KCNJ6: variants seen among roughly 807,000 people sequenced by gnomAD.
KCNJ6 encodes G protein-activated inward rectifier potassium channel 2.
In KCNJ6, 9 loss-of-function variants were observed where a neutral mutation model predicts 34.2. The observed-to-expected ratio is 0.26, with a 90% CI of 0.16 to 0.46. The LOEUF is 0.46. KCNJ6 is among the 20% of genes least tolerant of loss of function. The pLI, the probability that KCNJ6 is intolerant of heterozygous loss-of-function variation, is 1.00. For synonymous variants in KCNJ6, 196 were observed against 207.1 expected, an observed-to-expected ratio of 0.95 and a Z score of 0.46; for missense variants, 236 against 531.3, an observed-to-expected ratio of 0.44 and a Z score of 5.46.
intron 3 of KCNJ6, among the ~76,000 whole-genome samples, chr21:37,663,358 G>A (rs1009384548): frequency 6.6e-6 from 1 of 152,028 alleles, no homozygotes; most frequent in Non-Finnish European, 1.5e-5. Flanking sequence ...AGGCCTAATA[G>A]TTTTCCCAAA....
chr21:37,607,482 A>ATATATATATATATTTTTTTTT lies in KCNJ6; in HGVS notation c.*17676_*17677insAAAAAAAAATATATATATATA. ...CTTAAAGATATATATATATATATAT[A>ATATATATATATATTTTTTTTT]TTTTTTTTTTATTTTAAAAAAATTT... On this transcript the variant is annotated 3_prime_UTR_variant, in exon 4 of 4. Coordinates refer to ENST00000609713, the MANE Select transcript of KCNJ6 (RefSeq NM_002240.5). 1 of 136,758 alleles carries ATATATATATATATTTTTTTTT rather than the reference A, an allele frequency of 7.3e-6. No homozygotes were observed. The highest frequency in any genetic ancestry group is 2.4e-4 in the South Asian group (1 of 4,178). The allele number at this position is 136,758 out of a possible 1,614,324, so 8.5% of individuals were successfully genotyped here.
intron 1 of KCNJ6, 123 bp from the exon 2 acceptor site, chr21:37,840,832 A>C (rs1437827789): frequency 3.4e-6 from 2 of 585,928 alleles, no homozygotes; most frequent in African/African-American, 3.8e-5. Context: ...GGTTTCCAAT[A>C]ATTAAATGAA....
At chr21:37,652,901 G>GT (rs1242910584) in intron 3 of KCNJ6, among the ~76,000 whole-genome samples, 1 of 152,172 alleles carries the variant, frequency 6.6e-6, no homozygotes, top group Non-Finnish European at 1.5e-5. Flanking sequence ...AATTTCCTGA[G>GT]TAAGTCCATT....
intron 2 of KCNJ6, among the ~76,000 whole-genome samples, chr21:37,783,185 C>T (rs1229111544): frequency 3.9e-5 from 6 of 152,228 alleles, no homozygotes; most frequent in Non-Finnish European, 8.8e-5. Context: ...ACAAGACTCA[C>T]ATCCTTGATG....
intron 1 of KCNJ6, among the ~76,000 whole-genome samples, chr21:37,877,822 C>T (rs1029548627): frequency 2.0e-5 from 3 of 152,194 alleles, no homozygotes; most frequent in Admixed American, 2.0e-4. Context: ...AATAGAATAC[C>T]AGGTTTCAGA....
chr21:37,770,595 C>T (rs1362181889), intron 2 of KCNJ6, among the ~76,000 whole-genome samples: 1 of 152,210 alleles, frequency 6.6e-6, no homozygotes, highest in Non-Finnish European at 1.5e-5. Context: ...AATTATAAAG[C>T]TGTCCTCTGC....
intron 1 of KCNJ6, among the ~76,000 whole-genome samples, chr21:37,915,118 A>G (rs938234578): frequency 6.6e-6 from 1 of 152,164 alleles, no homozygotes; most frequent in African/African-American, 2.4e-5. Flanking sequence ...TTTTGGGAAT[A>G]CTGATGTTAT....
In KCNJ6 at chr21:37,612,746, A is replaced by C. The variant is rs1175922807; in HGVS notation, c.*12413T>G. The C allele has an allele frequency of 7.4e-6, 1 of 135,858 alleles. No individual in the cohort carries two copies. Among genetic ancestry groups the C allele is most frequent in the African/African-American group, 2.9e-5 (1 of 34,978 alleles). 8.4% of individuals were successfully genotyped at this position (135,858 alleles called of 1,614,324 possible). A position where few individuals can be genotyped will look rare whatever the true frequency, so the allele number is the denominator to read the frequency against. ...AGGCAAAAAAAAAAAAAAAAAAAAG[A>C]GTCTAAATACAGACCTAACAAACAC... On this transcript the variant is annotated 3_prime_UTR_variant, in exon 4 of 4. Coordinates refer to ENST00000609713, the MANE Select transcript of KCNJ6 (RefSeq NM_002240.5).
intron 2 of KCNJ6, among the ~76,000 whole-genome samples, chr21:37,725,901 T>G (rs1284492331): frequency 6.6e-6 from 1 of 152,202 alleles, no homozygotes; most frequent in Non-Finnish European, 1.5e-5. Flanking sequence ...CTTGCATTTA[T>G]TTATTTGTTT....
At chr21:37,782,381 G>A (rs1256403777) in intron 2 of KCNJ6, among the ~76,000 whole-genome samples, 1 of 152,152 alleles carries the variant, frequency 6.6e-6, no homozygotes, top group Non-Finnish European at 1.5e-5. Flanking sequence ...GGAAACTAAT[G>A]TACACACATA....
At chr21:37,856,011 G>A (rs763283379) in intron 1 of KCNJ6, among the ~76,000 whole-genome samples, 7 of 152,158 alleles carry the variant, frequency 4.6e-5, no homozygotes, top group Non-Finnish European at 5.9e-5. Context: ...GATTCAGGGC[G>A]CTCAAGGCAA....
rs1283554652 is a variant in KCNJ6, at chr21:37,621,436, A to G, written c.*3723T>C. Reference sequence around the variant, plus strand: ...CAAAGACACTGGCTTAAATCTAAATAAAAAAGCAAAGGGGAAAAAAGTAAG... The same window carrying G: ...CAAAGACACTGGCTTAAATCTAAATGAAAAAGCAAAGGGGAAAAAAGTAAG... On this transcript the variant is annotated 3_prime_UTR_variant, in exon 4 of 4. Coordinates refer to ENST00000609713, the MANE Select transcript of KCNJ6 (RefSeq NM_002240.5). 6.6e-6 allele frequency: 1 copy of G among 152,218 alleles called. No homozygotes were observed. Among genetic ancestry groups the G allele is most frequent in the East Asian group, 1.9e-4 (1 of 5,202 alleles). The allele number at this position is 152,218 out of a possible 1,614,324, so 9.4% of individuals were successfully genotyped here.
chr21:37,629,104 G>T (rs1267069004), intron 3 of KCNJ6, among the ~76,000 whole-genome samples: 2 of 152,072 alleles, frequency 1.3e-5, no homozygotes, highest in Non-Finnish European at 2.9e-5. Flanking sequence ...GTGTGTTCAG[G>T]GTGGTATGGC....
intron 1 of KCNJ6, among the ~76,000 whole-genome samples, chr21:37,903,494 T>C (rs1340254799): frequency 6.6e-6 from 1 of 152,196 alleles, no homozygotes; most frequent in Admixed American, 6.5e-5. Context: ...GACTAATATG[T>C]AATGCAATTG....
chr21:37,659,619 C>A (rs920821561), intron 3 of KCNJ6, among the ~76,000 whole-genome samples: 1 of 152,218 alleles, frequency 6.6e-6, no homozygotes, highest in Non-Finnish European at 1.5e-5. Flanking sequence ...GCCTCAGATC[C>A]CCCCGACCTG....
chr21:37,672,314 G>A (rs1334270190), intron 3 of KCNJ6, among the ~76,000 whole-genome samples: 1 of 151,932 alleles, frequency 6.6e-6, no homozygotes. Context: ...TGACTCTTCT[G>A]CTTGTGAGAA....
chr21:37,684,973 C>G (rs891435684), intron 3 of KCNJ6, among the ~76,000 whole-genome samples: 6 of 151,998 alleles, frequency 3.9e-5, no homozygotes, highest in Non-Finnish European at 5.9e-5. Context: ...AGGTAAAATA[C>G]CATTAACAAA....
At chr21:37,697,454 A>G (rs1463455298) in intron 3 of KCNJ6, among the ~76,000 whole-genome samples, 3 of 152,208 alleles carry the variant, frequency 2.0e-5, no homozygotes, top group Non-Finnish European at 4.4e-5. Flanking sequence ...TGTGTTTTCC[A>G]GGGAAAATCC....
chr21:37,884,658 G>T (rs1335748339), intron 1 of KCNJ6, among the ~76,000 whole-genome samples: 2 of 152,118 alleles, frequency 1.3e-5, no homozygotes, highest in Non-Finnish European at 2.9e-5. Context: ...TAGTCTATCT[G>T]CCCCCAACCT....
Sources: allele counts gnomAD v4.1 joint callset (sites outside exome capture counted in the v4.1 genomes callset), GRCh38; gene constraint gnomAD v4.1.1; transcripts MANE v1.5; gene names NCBI Gene and HGNC (gene_info 2026-07-23, HGNC 2026-07-21).